Variants in ADAMTS17 observed in about 807,000 individuals in gnomAD.
ADAMTS17 encodes the protein A disintegrin and metalloproteinase with thrombospondin motifs 17.
Under a neutral mutation model 141.5 loss-of-function variants are expected in ADAMTS17, and 113 were observed. The ratio of observed to expected loss-of-function variants is 0.80; its 90% CI spans 0.69 to 0.93. The LOEUF is 0.93. Among genes scored for constraint, ADAMTS17 ranks in the 40% least tolerant of loss-of-function variants. The pLI, the probability that ADAMTS17 is intolerant of heterozygous loss-of-function variation, is 0.00. For missense variants in ADAMTS17, 1,659 were observed against 1,517.9 expected, an observed-to-expected ratio of 1.09 and a Z score of -1.54; for synonymous variants, 768 against 630.6, an observed-to-expected ratio of 1.22 and a Z score of -3.27.
At chr15:100,119,626 G>A (rs147085700) in intron 12 of ADAMTS17, among the ~76,000 whole-genome samples, 203 of 152,326 alleles carry the variant, frequency 1.3e-3, no homozygotes, top group African/African-American at 3.6e-3. Flanking sequence ...GTGAGGAGGC[G>A]GAGAGGAGAT....
At chr15:100,233,319 AAACTCC>A (rs955117468) in intron 7 of ADAMTS17, among the ~76,000 whole-genome samples, 9 of 145,128 alleles carry the variant, frequency 6.2e-5, no homozygotes, top group African/African-American at 2.4e-4. Context: ...AACAAGAGTG[AAACTCC>A]ATCTCAAAAA....
At chr15:100,149,563 C>T (rs1331906987) in intron 10 of ADAMTS17, among the ~76,000 whole-genome samples, 4 of 152,268 alleles carry the variant, frequency 2.6e-5, no homozygotes, top group South Asian at 2.1e-4. Context: ...TTCCCTGTTC[C>T]TCACCTTTTT....
At chr15:100,079,719 A>C (rs1325462517) in intron 15 of ADAMTS17, among the ~76,000 whole-genome samples, 1 of 152,152 alleles carries the variant, frequency 6.6e-6, no homozygotes, top group African/African-American at 2.4e-5. Context: ...CTTACTCCGG[A>C]TATGGGTTTG....
chr15:100,155,628 G>C (rs972065291), intron 8 of ADAMTS17, among the ~76,000 whole-genome samples: 4 of 152,280 alleles, frequency 2.6e-5, no homozygotes, highest in South Asian at 4.1e-4. Context: ...TAAACTTTAA[G>C]CTTCTGATGG....
chr15:100,162,014 C>T (rs2039713198), intron 8 of ADAMTS17, among the ~76,000 whole-genome samples: 1 of 152,164 alleles, frequency 6.6e-6, no homozygotes, highest in African/African-American at 2.4e-5. Context: ...CACATAGTAC[C>T]ATGTCAGTAA....
intron 10 of ADAMTS17, among the ~76,000 whole-genome samples, chr15:100,150,147 T>C (rs2039093910): frequency 1.3e-5 from 2 of 152,230 alleles, no homozygotes; most frequent in African/African-American, 2.4e-5. Context: ...TCAGCTTCAA[T>C]GTAAAAGGCA....
chr15:100,164,373 G>T (rs2039861983), intron 8 of ADAMTS17, among the ~76,000 whole-genome samples: 1 of 136,070 alleles, frequency 7.3e-6, no homozygotes, highest in South Asian at 2.7e-4. Flanking sequence ...TGACTAAACA[G>T]GGATAATAAT....
chr15:100,173,928 C>G (rs140681852), intron 8 of ADAMTS17, among the ~76,000 whole-genome samples: 6 of 152,200 alleles, frequency 3.9e-5, no homozygotes, highest in African/African-American at 1.4e-4. Flanking sequence ...TAGAAACAGG[C>G]TGTCTGTGAA....
chr15:100,082,766 C>CTTTTTTTTT (rs71151935), intron 15 of ADAMTS17, among the ~76,000 whole-genome samples: 1 of 123,276 alleles, frequency 8.1e-6, no homozygotes. Context: ...TCTCGTTAGT[C>CTTTTTTTTT]TTTTTTTTTT....
chr15:100,084,204 A>G (rs932840602), intron 15 of ADAMTS17, among the ~76,000 whole-genome samples: 7 of 152,198 alleles, frequency 4.6e-5, no homozygotes, highest in African/African-American at 1.7e-4. Flanking sequence ...TATCCCGCGC[A>G]TGGCTGGGAG....
intron 7 of ADAMTS17, among the ~76,000 whole-genome samples, chr15:100,250,401 T>G (rs906625990): frequency 6.6e-6 from 1 of 152,232 alleles, no homozygotes. Context: ...TCAAAATCTC[T>G]TAGCATTGGC....
chr15:100,109,228 T>C, intron 13 of ADAMTS17, 112 bp from the exon 14 acceptor site: 1 of 1,170,382 alleles, frequency 8.5e-7, no homozygotes. Flanking sequence ...TCCGCACAGG[T>C]CAGTAAAGGT....
chr15:100,144,161 C>G (rs1172040134), intron 10 of ADAMTS17, among the ~76,000 whole-genome samples: 1 of 152,232 alleles, frequency 6.6e-6, no homozygotes, highest in African/African-American at 2.4e-5. Context: ...ATAACAAGAT[C>G]TGGCCCTGGG....
At chr15:100,125,532 T>G (rs760883221) in intron 12 of ADAMTS17, among the ~76,000 whole-genome samples, 1 of 152,148 alleles carries the variant, frequency 6.6e-6, no homozygotes, top group Non-Finnish European at 1.5e-5. Context: ...TCCACTCTCC[T>G]GCCCCTGCTG....
intron 15 of ADAMTS17, among the ~76,000 whole-genome samples, chr15:100,080,285 C>T (rs2034645185): frequency 6.6e-6 from 1 of 152,140 alleles, no homozygotes; most frequent in Non-Finnish European, 1.5e-5. Context: ...ACTTTGGGCT[C>T]CTCCCACCTT....
chr15:100,310,284 C>G (rs932842413), intron 3 of ADAMTS17, among the ~76,000 whole-genome samples: 1 of 152,214 alleles, frequency 6.6e-6, no homozygotes, highest in Non-Finnish European at 1.5e-5. Flanking sequence ...ACCATCAGCC[C>G]CACACAGGGA....
chr15:100,018,186 T>C (rs7166303), intron 18 of ADAMTS17, among the ~76,000 whole-genome samples: 93,970 of 152,004 alleles, frequency 0.62, 30,603 homozygotes, highest in Non-Finnish European at 0.74. Flanking sequence ...CTGTGACGGG[T>C]TTTCACTTAG....
chr15:100,165,427 T>A (rs1367096503), intron 8 of ADAMTS17, among the ~76,000 whole-genome samples: 1 of 152,180 alleles, frequency 6.6e-6, no homozygotes, highest in African/African-American at 2.4e-5. Context: ...GGCTTCATGA[T>A]AGGATGGTCC....
At chr15:99,995,843 G>A (rs537152564) in intron 19 of ADAMTS17, among the ~76,000 whole-genome samples, 171 of 152,310 alleles carry the variant, frequency 1.1e-3, no homozygotes, top group African/African-American at 3.9e-3. Context: ...TCAAGCCTGG[G>A]CTAAGCCAGA....
Sources: allele counts gnomAD v4.1 joint callset (sites outside exome capture counted in the v4.1 genomes callset), GRCh38; gene constraint gnomAD v4.1.1; transcripts MANE v1.5; gene names NCBI Gene and HGNC (gene_info 2026-07-23, HGNC 2026-07-21).